Variants in CCDC178 observed in about 807,000 individuals in gnomAD.
CCDC178 encodes the protein coiled-coil domain containing 178, also known as coiled-coil domain-containing protein 178.
Under a neutral mutation model 117.4 loss-of-function variants are expected in CCDC178, and 126 were observed. That is an observed-to-expected ratio of 1.07 (90% CI 0.93 to 1.24). CCDC178 has a LOEUF of 1.24. Ranked by LOEUF, CCDC178 falls within the 50% of genes most tolerant of loss-of-function variation. CCDC178 has a pLI of 0.00. For missense variants in CCDC178, 1,030 were observed against 986.9 expected, an observed-to-expected ratio of 1.04 and a Z score of -0.59; for synonymous variants, 283 against 313.4, an observed-to-expected ratio of 0.90 and a Z score of 1.02.
At position 33,323,558 on chromosome 18, in the gene CCDC178, C is replaced by T. The variant is rs752309545; in HGVS notation, c.955G>A (p.Ala319Thr). The T allele has an allele frequency of 1.9e-6, 3 of 1,575,382 alleles. No homozygotes were observed. Among genetic ancestry groups the T allele is most frequent in the Middle Eastern group, 1.7e-4 (1 of 5,922 alleles). Residue 319 changes from alanine to threonine, a missense_variant, in exon 11 of 23, where the codon GCT (alanine) becomes ACT (threonine). Physicochemically the swap from Ala to Thr is moderately conservative, Grantham distance 58 (BLOSUM62 0). Transcript: ENST00000383096. ...LEACENARLK[A>T]QQIKEEIDKD... ...TCAATCTCTTCTTTAATTTGCTGAG[C>T]CTTCAATCTGGCATTTTCACAGGCT... is the stretch of plus-strand genomic sequence containing the variant.
At chr18:33,296,064 C>T (rs1211014507) in intron 11 of CCDC178, among the ~76,000 whole-genome samples, 1 of 152,056 alleles carries the variant, frequency 6.6e-6, no homozygotes, top group Non-Finnish European at 1.5e-5. Context: ...TAGTTTCAAG[C>T]TCTGGTATAT....
At chr18:33,269,233 T>C (rs1487480764) in intron 12 of CCDC178, among the ~76,000 whole-genome samples, 1 of 151,790 alleles carries the variant, frequency 6.6e-6, no homozygotes, top group East Asian at 1.9e-4. Context: ...ATAAACTCTG[T>C]GGCCACCTGA....
intron 11 of CCDC178, among the ~76,000 whole-genome samples, chr18:33,307,088 G>C (rs2062266324): frequency 6.6e-6 from 1 of 152,140 alleles, no homozygotes; most frequent in Non-Finnish European, 1.5e-5. Flanking sequence ...CATGAGAATG[G>C]ACTAATACAG....
chr18:33,157,851 A>C (rs962618126), intron 20 of CCDC178, among the ~76,000 whole-genome samples: 1 of 152,072 alleles, frequency 6.6e-6, no homozygotes, highest in Non-Finnish European at 1.5e-5. Context: ...TGTTGTCACA[A>C]ATGGATTCCC....
chr18:33,209,067 A>G (rs1403390829), intron 20 of CCDC178, among the ~76,000 whole-genome samples: 5 of 152,020 alleles, frequency 3.3e-5, no homozygotes, highest in Non-Finnish European at 7.4e-5. Context: ...ATAACCTACA[A>G]TTTTGTATAG....
intron 22 of CCDC178, chr18:32,956,663 G>C (rs576621672): frequency 1.7e-4 from 26 of 152,214 alleles, no homozygotes; most frequent in African/African-American, 6.3e-4. Flanking sequence ...GTTAAAATAA[G>C]CACAAATTGA....
intron 7 of CCDC178, among the ~76,000 whole-genome samples, chr18:33,354,380 T>C (rs1338486795): frequency 6.6e-6 from 1 of 152,144 alleles, no homozygotes; most frequent in Non-Finnish European, 1.5e-5. Context: ...TTTTTCATTC[T>C]CTAGCCCTTT....
At chr18:33,321,601 A>G (rs1299213370) in intron 11 of CCDC178, among the ~76,000 whole-genome samples, 2 of 152,102 alleles carry the variant, frequency 1.3e-5, no homozygotes, top group Non-Finnish European at 2.9e-5. Flanking sequence ...GGATAACAGT[A>G]TCAGATATTT....
At chr18:33,339,421 A>G (rs2062784489) in intron 9 of CCDC178, among the ~76,000 whole-genome samples, 1 of 151,616 alleles carries the variant, frequency 6.6e-6, no homozygotes, top group African/African-American at 2.4e-5. Context: ...CACTACTACT[A>G]TTACAGAAAT....
At position 33,340,734 on chromosome 18, in the gene CCDC178, G is replaced by A. The variant is rs917481407; in HGVS notation, c.658+5477C>T. Reference sequence around the variant, plus strand: ...CCCAAGCCTTGGCAGCTTCCACATGGTGTTGAGCCTGTGAGTGCACAGAAG... The same window carrying A: ...CCCAAGCCTTGGCAGCTTCCACATGATGTTGAGCCTGTGAGTGCACAGAAG... On this transcript the variant is annotated intron_variant, in intron 9 of 22. Transcript: ENST00000383096. 7.2e-5 allele frequency among the ~76,000 whole-genome samples: 11 copies of A among 152,320 alleles called. No individual in the cohort carries two copies. The East Asian group carries it at 2.1e-3, about 29-fold the overall frequency.
At chr18:33,274,581 A>C (rs1313030133) in intron 12 of CCDC178, among the ~76,000 whole-genome samples, 1 of 152,052 alleles carries the variant, frequency 6.6e-6, no homozygotes, top group Non-Finnish European at 1.5e-5. Flanking sequence ...AAAAAGCAAT[A>C]AAATACTGAC....
At chr18:33,415,594 G>GC (rs1230192346) in intron 2 of CCDC178, among the ~76,000 whole-genome samples, 2 of 152,080 alleles carry the variant, frequency 1.3e-5, no homozygotes, top group African/African-American at 2.4e-5. Flanking sequence ...TATACCTAAT[G>GC]TAAATGACGA....
chr18:33,235,965 A>G lies in CCDC178; in HGVS notation c.1594-9110T>C, dbSNP rs1211583616. ...ATTGAAAATATGGAAAAACTGGGAC[A>G]AATCATTTGTAATAGCTAAAAAATT... On this transcript the variant is annotated intron_variant, in intron 15 of 22. Transcript: ENST00000383096. 5.3e-5 allele frequency among the ~76,000 whole-genome samples: 8 copies of G among 152,220 alleles called. 1 individual carries two copies. The highest frequency in any genetic ancestry group is 4.1e-4 in the South Asian group (2 of 4,834).
At chr18:33,266,723 A>G (rs2059820662) in intron 14 of CCDC178, among the ~76,000 whole-genome samples, 193 bp downstream of exon 14, 1 of 151,652 alleles carries the variant, frequency 6.6e-6, no homozygotes, top group Non-Finnish European at 1.5e-5. Context: ...GCACACCAAC[A>G]TGGCACATGT....
At chr18:33,023,154 T>C (rs987822898) in intron 21 of CCDC178, among the ~76,000 whole-genome samples, 7 of 152,036 alleles carry the variant, frequency 4.6e-5, no homozygotes, top group Non-Finnish European at 1.0e-4. Context: ...AACAACCCTC[T>C]CTCAATAATT....
chr18:32,995,732 A>G (rs1301466456), intron 21 of CCDC178, among the ~76,000 whole-genome samples: 1 of 152,140 alleles, frequency 6.6e-6, no homozygotes, highest in East Asian at 1.9e-4. Flanking sequence ...AGCATGGTAC[A>G]TTACATAATT....
chr18:33,158,402 T>C (rs1021619544), intron 20 of CCDC178, among the ~76,000 whole-genome samples: 50 of 152,134 alleles, frequency 3.3e-4, no homozygotes, highest in African/African-American at 1.1e-3. Flanking sequence ...TGTACTTTAT[T>C]TCCATAGAAT....
intron 5 of CCDC178, among the ~76,000 whole-genome samples, chr18:33,379,514 G>C (rs2063412960): frequency 6.6e-6 from 1 of 152,044 alleles, no homozygotes; most frequent in Non-Finnish European, 1.5e-5. Flanking sequence ...AGATGGGCAG[G>C]ACACTCTGGC....
intron 21 of CCDC178, among the ~76,000 whole-genome samples, chr18:33,003,298 C>T (rs2055680172): frequency 6.6e-6 from 1 of 152,042 alleles, no homozygotes. Flanking sequence ...AAAATATTAA[C>T]AAACTGAGTT....
Sources: gnomAD v4.1 joint callset for allele counts (sites outside exome capture counted in the v4.1 genomes callset) on GRCh38, gnomAD v4.1.1 for gene constraint, MANE v1.5 for transcripts, NCBI Gene and HGNC (gene_info 2026-07-23, HGNC 2026-07-21) for gene names.